Variants in FGF16 observed in about 807,000 individuals in gnomAD.
FGF16 encodes the protein metacarpal 4-5 fusion.
A neutral mutation model predicts 8.5 loss-of-function variants in FGF16; 2 were observed. That is an observed-to-expected ratio of 0.24 (90% CI 0.10 to 0.75). The LOEUF is 0.75. Among genes scored for constraint, FGF16 ranks in the 30% least tolerant of loss-of-function variants. FGF16 has a pLI of 0.74. For synonymous variants in FGF16, 33 were observed against 34.6 expected (o/e 0.95, Z 0.16); for missense variants, 79 against 87.4 (o/e 0.90, Z 0.38).
In FGF16 at chrX:77,447,542, G is replaced by A. The variant is rs1405756091; in HGVS notation, c.-133G>A. ...GACGTCGACTGCAGCTCGGCAGAGCGCGGAGCAAGCGAGCTAGCGAGGGAG... is the reference window on the plus strand; with the variant it reads ...GACGTCGACTGCAGCTCGGCAGAGCACGGAGCAAGCGAGCTAGCGAGGGAG... On this transcript the variant is annotated 5_prime_UTR_variant, in exon 1 of 3. Transcript: ENST00000439435. 3.5e-6 allele frequency: 1 copy of A among 283,824 alleles called. No individual in the cohort carries two copies. Among genetic ancestry groups the A allele is most frequent in the African/African-American group, 2.8e-5 (1 of 36,010 alleles). The allele number at this position is 283,824 out of a possible 1,213,427, so 23.4% of individuals were successfully genotyped here.
intron 1 of FGF16, among the ~76,000 whole-genome samples, chrX:77,450,948 G>A (rs1469629182): frequency 8.9e-6 from 1 of 111,971 alleles, no homozygotes; most frequent in East Asian, 2.8e-4. Context: ...CTGTCCAGCT[G>A]TAGCTGGGAA....
In FGF16 at chrX:77,447,400, G is replaced by A; in HGVS notation, c.-275G>A. 8.1e-6 allele frequency: 2 copies of A among 245,593 alleles called. No individual in the cohort carries two copies. Among genetic ancestry groups the A allele is most frequent in the Non-Finnish European group, 1.5e-5 (2 of 137,247 alleles). 20.2% of individuals were successfully genotyped at this position (245,593 alleles called of 1,213,427 possible). On this transcript the variant is annotated 5_prime_UTR_variant, in exon 1 of 3. Transcript: ENST00000439435. Reference sequence around the variant, plus strand: ...TGCATCTGATAGCTGGACGAAGCCAGCTATGAGAGGCCGGGGGAGATGGAT... The same window carrying A: ...TGCATCTGATAGCTGGACGAAGCCAACTATGAGAGGCCGGGGGAGATGGAT...
exon 3 of FGF16, chrX:77,457,276 T>TAAG (rs1421107831): frequency 8.9e-6 from 1 of 112,126 alleles, no homozygotes; most frequent in South Asian, 3.7e-4. Flanking sequence ...CTTTATATTG[T>TAAG]AAGATTCTGT....
At position 77,456,516 on chromosome X, in the gene FGF16, T is replaced by C. The variant is rs1372633587; in HGVS notation, c.618T>C (p.Tyr206=). ...CCATGTCCAGAGACCTCTTTCACTA[T>C]AGGTAATGAACCTCTGGTGTGCCCT... The part of the protein sequence containing the change: ...LPSMSRDLFH[Y]R The change falls in exon 3 of 3, where the codon TAT becomes TAC. Residue 206 remains tyrosine (Y), a synonymous_variant. Transcript: ENST00000439435. The C allele has an allele frequency of 8.3e-7, 1 of 1,207,884 alleles. No homozygotes were observed. The highest frequency in any genetic ancestry group is 1.1e-6 in the Non-Finnish European group (1 of 893,577).
rs1401549641 is a variant in FGF16, at chrX:77,454,193, T to A, written c.311T>A (p.Ile104Asn). 2.5e-6 allele frequency: 3 copies of A among 1,190,399 alleles called. No homozygotes were observed. In the South Asian group the frequency reaches 5.3e-5, roughly 21 times the overall value. ...TTTATCAGCCTGGCTGTGGGGCTGA[T>A]CAGCATCCGGGGAGTGGACTCTGGC... ...LEFISLAVGL[I>N]SIRGVDSGLY... Residue 104 changes from isoleucine to asparagine, a missense_variant, in exon 2 of 3, where the codon ATC becomes AAC. Ile to Asn is a moderately radical substitution (Grantham distance 149). Transcript: ENST00000439435.
intron 2 of FGF16, among the ~76,000 whole-genome samples, chrX:77,455,019 G>A (rs1312047952): frequency 9.0e-6 from 1 of 110,651 alleles, no homozygotes; most frequent in African/African-American, 3.3e-5. Flanking sequence ...GGCTGGTCTC[G>A]AACTCCTGAC....
rs782170869 is a variant in FGF16 at position 77,456,556 on chromosome X, C to A, written c.*34C>A. 6 of 1,174,237 alleles carry A rather than the reference C, an allele frequency of 5.1e-6. No homozygotes were observed. In the South Asian group the frequency reaches 1.1e-4, roughly 22 times the overall value. Reference sequence around the variant, plus strand: ...TGGTGTGCCCTCTGTGACCCATGTACCCTGGGGCCACGGTTGTCTCTGCAA... The same window carrying A: ...TGGTGTGCCCTCTGTGACCCATGTAACCTGGGGCCACGGTTGTCTCTGCAA... On this transcript the variant is annotated 3_prime_UTR_variant, in exon 3 of 3. Transcript: ENST00000439435.
chrX:77,456,755 T>G lies in FGF16; in HGVS notation c.*233T>G. 3.1e-6 allele frequency: 1 copy of G among 321,495 alleles called. No individual in the cohort carries two copies. The highest frequency in any genetic ancestry group is 5.4e-6 in the Non-Finnish European group (1 of 184,484). The allele number at this position is 321,495 out of a possible 1,213,427, so 26.5% of individuals were successfully genotyped here. ...TCGAGGGAATCTTGTATATACTTTTTTCTTTACTCATGTTCCTTCCCCTGA... is the reference window on the plus strand; with the variant it reads ...TCGAGGGAATCTTGTATATACTTTTGTCTTTACTCATGTTCCTTCCCCTGA... On this transcript the variant is annotated 3_prime_UTR_variant, in exon 3 of 3. Coordinates refer to ENST00000439435, the MANE Select transcript of FGF16 (RefSeq NM_003868.3).
chrX:77,452,128 C>A (rs1569510550), intron 1 of FGF16, among the ~76,000 whole-genome samples: 1 of 111,948 alleles, frequency 8.9e-6, no homozygotes, highest in Non-Finnish European at 1.9e-5. Flanking sequence ...GACCAAAGTG[C>A]AGGACTTCAC....
rs1480672873 is a variant in FGF16 at position 77,456,603 on chromosome X, A to C, written c.*81A>C. 1 of 912,680 alleles carries C rather than the reference A, an allele frequency of 1.1e-6. No individual in the cohort carries two copies. The highest frequency in any genetic ancestry group is 1.5e-6 in the Non-Finnish European group (1 of 649,689). 75.2% of individuals were successfully genotyped at this position (912,680 alleles called of 1,213,427 possible). A position where few individuals can be genotyped will look rare whatever the true frequency, so the allele number is the denominator to read the frequency against. On this transcript the variant is annotated 3_prime_UTR_variant, in exon 3 of 3. Coordinates refer to ENST00000439435, the MANE Select transcript of FGF16 (RefSeq NM_003868.3). ...GCAAGCACTATATTCATAGCTTTTC[A>C]ATCCTTCCTTCCTATCATTTTAGAT...
Position 77,454,198 on chromosome X carries a change from A to G in FGF16, c.316A>G (p.Ile106Val). 2 of 1,172,260 alleles carry G rather than the reference A, an allele frequency of 1.7e-6. No individual in the cohort carries two copies. Among genetic ancestry groups the G allele is most frequent in the Non-Finnish European group, 2.3e-6 (2 of 872,180 alleles). The change falls in exon 2 of 3, where the codon ATC (isoleucine) becomes GTC (valine). Residue 106 changes from isoleucine (I) to valine (V), a missense_variant. By Grantham distance (29) the Ile-to-Val change is conservative. Coordinates refer to ENST00000439435, the MANE Select transcript of FGF16 (RefSeq NM_003868.3). ...CAGCCTGGCTGTGGGGCTGATCAGCATCCGGGGAGTGGACTCTGGCCTGTA... is the reference window on the plus strand; with the variant it reads ...CAGCCTGGCTGTGGGGCTGATCAGCGTCCGGGGAGTGGACTCTGGCCTGTA... Reference protein sequence around the residue: ...FISLAVGLISIRGVDSGLYLG... With the variant: ...FISLAVGLISVRGVDSGLYLG...
chrX:77,454,272 GTTT>G lies in FGF16; in HGVS notation c.378+40_378+42del, dbSNP rs782034788. 2,433 of 146,806 alleles carry G rather than the reference GTTT, an allele frequency of 0.017. No individual in the cohort carries two copies. The highest frequency in any genetic ancestry group is 0.022 in the East Asian group (73 of 3,381). 12.1% of individuals were successfully genotyped at this position (146,806 alleles called of 1,213,427 possible). The stretch of plus-strand genomic sequence containing the variant: ...AACTCTATGGGTCGGTAAGTTTAAG[GTTT>G]TTTTTTTTTTTTTTTTTTTTTTTTT... On this transcript the variant is annotated intron_variant, in intron 2 of 2. Coordinates refer to ENST00000439435, the MANE Select transcript of FGF16 (RefSeq NM_003868.3).
chrX:77,452,290 T>C (rs1358686467), intron 1 of FGF16, among the ~76,000 whole-genome samples: 3 of 112,605 alleles, frequency 2.7e-5, no homozygotes, highest in Non-Finnish European at 3.7e-5. Context: ...AAGTCATTTA[T>C]TGAAATATCA....
In FGF16 at chrX:77,447,667, G is replaced by T. The variant is rs2062545274; in HGVS notation, c.-8G>T. The T allele has an allele frequency of 1.3e-5, 4 of 297,722 alleles. No homozygotes were observed. Among genetic ancestry groups the T allele is most frequent in the South Asian group, 3.9e-4 (2 of 5,071 alleles). 24.5% of individuals were successfully genotyped at this position (297,722 alleles called of 1,213,427 possible). On this transcript the variant is annotated 5_prime_UTR_variant, in exon 1 of 3. Transcript: ENST00000439435. The stretch of plus-strand genomic sequence containing the variant: ...CCCAGCACAACCAGCGCCGCAATCG[G>T]CCCAGCCATGGCAGAGGTGGGGGGC...
intron 2 of FGF16, among the ~76,000 whole-genome samples, chrX:77,454,790 C>CTTT (rs782722552): frequency 4.9e-5 from 4 of 81,137 alleles, no homozygotes; most frequent in East Asian, 3.7e-4. Flanking sequence ...CCAAAACAAG[C>CTTT]TTTTTTTTTT....
In FGF16 at chrX:77,448,229, A is replaced by G. The variant is rs781966451; in HGVS notation, c.274+281A>G. Among the ~76,000 whole-genome samples, 242 of 112,731 alleles carry G rather than the reference A, an allele frequency of 2.1e-3. 4 individuals carry two copies. Among genetic ancestry groups the G allele is most frequent in the African/African-American group, 7.5e-3 (234 of 31,120 alleles). On this transcript the variant is annotated intron_variant, in intron 1 of 2. Transcript: ENST00000439435. ...GCAAGGGGGTAGTTCTGGGAGCTGG[A>G]CTCTAAGCCTTGAATGAAAGCAGGT...
chrX:77,451,918 T>C (rs1328989919), intron 1 of FGF16, among the ~76,000 whole-genome samples: 1 of 112,037 alleles, frequency 8.9e-6, no homozygotes, highest in Non-Finnish European at 1.9e-5. Context: ...TATACATGGT[T>C]GCCTGAAGTG....
Sources: allele counts gnomAD v4.1 joint callset (sites outside exome capture counted in the v4.1 genomes callset), GRCh38; gene constraint gnomAD v4.1.1; transcripts MANE v1.5; gene names NCBI Gene and HGNC (gene_info 2026-07-23, HGNC 2026-07-21).